The following PPP6R2 variants were observed in gnomAD, a reference collection of about 807,000 sequenced individuals.
The protein encoded by PPP6R2 is protein phosphatase 6 regulatory subunit 2.
In PPP6R2, 62 loss-of-function variants were observed where a neutral mutation model predicts 100.2. The ratio of observed to expected loss-of-function variants is 0.62; its 90% CI spans 0.50 to 0.76. PPP6R2 has a LOEUF of 0.76. PPP6R2 is among the 30% of genes least tolerant of loss of function. The pLI is 0.00. For missense variants in PPP6R2, 1,142 were observed against 1,276.3 expected (o/e 0.89, Z 1.60); for synonymous variants, 525 against 514.7 (o/e 1.02, Z -0.27).
chr22:50,392,491 G>A (rs2055833417), intron 2 of PPP6R2, among the ~76,000 whole-genome samples: 1 of 152,248 alleles, frequency 6.6e-6, no homozygotes, highest in African/African-American at 2.4e-5. Flanking sequence ...CCCATGGGCA[G>A]TGCCCGCCCA....
chr22:50,374,139 C>T (rs941513281), intron 2 of PPP6R2, among the ~76,000 whole-genome samples: 3 of 152,178 alleles, frequency 2.0e-5, no homozygotes, highest in East Asian at 1.9e-4. Flanking sequence ...CTGCCTTGGC[C>T]TCCCAAAGTG....
chr22:50,408,280 TCAAA>T (rs1361854161), intron 4 of PPP6R2, among the ~76,000 whole-genome samples: 5 of 152,162 alleles, frequency 3.3e-5, no homozygotes, highest in African/African-American at 1.2e-4. Context: ...TTTCATACCA[TCAAA>T]CATTCAGTCA....
rs921648580 is a variant in PPP6R2, at chr22:50,355,773, G to A, written c.-148+12223G>A. ...CCTTACCTCATGATCCGCCCGCCTCGGCCTCCCAAATTGCTGGGATTACAG... is the reference window on the plus strand; with the variant it reads ...CCTTACCTCATGATCCGCCCGCCTCAGCCTCCCAAATTGCTGGGATTACAG... On this transcript the variant is annotated intron_variant, in intron 1 of 23. Transcript: ENST00000612753. 2.7e-5 allele frequency among the ~76,000 whole-genome samples: 4 copies of A among 150,810 alleles called. No individual in the cohort carries two copies. The South Asian group carries it at 6.3e-4, about 24-fold the overall frequency.
chr22:50,358,319 A>G (rs919641582), intron 1 of PPP6R2, among the ~76,000 whole-genome samples: 1 of 152,190 alleles, frequency 6.6e-6, no homozygotes, highest in African/African-American at 2.4e-5. Flanking sequence ...TGAACAGAAC[A>G]TTTTAATTTG....
At chr22:50,375,723 G>A (rs965082090) in intron 2 of PPP6R2, among the ~76,000 whole-genome samples, 4 of 151,854 alleles carry the variant, frequency 2.6e-5, no homozygotes, top group Non-Finnish European at 4.4e-5. Context: ...CAGGGAAATC[G>A]GGCATGAATT....
intron 12 of PPP6R2, among the ~76,000 whole-genome samples, chr22:50,433,189 G>T (rs1175349647): frequency 1.3e-5 from 2 of 151,584 alleles, no homozygotes; most frequent in Non-Finnish European, 2.9e-5. Flanking sequence ...CTGGGCAGGG[G>T]CCGGGCATTT....
At chr22:50,425,670 T>G (rs545295192) in intron 10 of PPP6R2, among the ~76,000 whole-genome samples, 8 of 152,170 alleles carry the variant, frequency 5.3e-5, no homozygotes, top group Non-Finnish European at 1.0e-4. Context: ...CCGACACTTG[T>G]CTTCCTTCTT....
At chr22:50,420,477 G>A (rs956802471) in intron 8 of PPP6R2, among the ~76,000 whole-genome samples, 4 of 152,130 alleles carry the variant, frequency 2.6e-5, no homozygotes, top group African/African-American at 9.7e-5. Flanking sequence ...TGAAAGTTGA[G>A]TTTGTTTGAG....
At chr22:50,389,605 G>A (rs1164663983) in intron 2 of PPP6R2, among the ~76,000 whole-genome samples, 1 of 149,704 alleles carries the variant, frequency 6.7e-6, no homozygotes, top group Non-Finnish European at 1.5e-5. Context: ...CCAGGCTGGA[G>A]TGTAGTGGCG....
intron 1 of PPP6R2, among the ~76,000 whole-genome samples, chr22:50,349,536 C>T (rs927743693): frequency 6.6e-6 from 1 of 151,606 alleles, no homozygotes; most frequent in African/African-American, 2.4e-5. Flanking sequence ...CCCACAAAAG[C>T]AGAATGTGGC....
chr22:50,380,811 A>G (rs926810018), intron 2 of PPP6R2, among the ~76,000 whole-genome samples: 1 of 147,948 alleles, frequency 6.8e-6, no homozygotes, highest in African/African-American at 2.5e-5. Context: ...AACACAGTGA[A>G]ACCCCTTCAC....
chr22:50,336,352 A>G, the PPP6R2 span, among the ~76,000 whole-genome samples: 1 of 152,024 alleles, frequency 6.6e-6, no homozygotes, highest in South Asian at 2.1e-4. Context: ...GGTCTTCTCC[A>G]ACTTTTATCA....
intron 13 of PPP6R2, among the ~76,000 whole-genome samples, chr22:50,435,542 A>T (rs527690693): frequency 3.5e-4 from 53 of 152,266 alleles, no homozygotes; most frequent in Non-Finnish European, 6.9e-4. Context: ...TTTCTTAAGA[A>T]CGCAGTGGGT....
At chr22:50,362,051 G>A (rs2047898574) in intron 1 of PPP6R2, among the ~76,000 whole-genome samples, 4 of 152,172 alleles carry the variant, frequency 2.6e-5, no homozygotes. Flanking sequence ...TTGTGGTCAG[G>A]GACTGCCCTG....
intron 3 of PPP6R2, among the ~76,000 whole-genome samples, chr22:50,402,891 T>C (rs1024511339): frequency 6.6e-6 from 1 of 152,250 alleles, no homozygotes; most frequent in African/African-American, 2.4e-5. Context: ...TTGTGCCATG[T>C]GTGCACACGT....
At chr22:50,414,477 T>G in intron 4 of PPP6R2, 75 bp from the exon 5 acceptor site, 3 of 1,523,878 alleles carry the variant, frequency 2.0e-6, no homozygotes, top group Non-Finnish European at 2.7e-6. Context: ...AACTTTCCCA[T>G]GAGAGTTTTT....
intron 2 of PPP6R2, among the ~76,000 whole-genome samples, chr22:50,387,819 G>A (rs2054556841): frequency 6.6e-6 from 1 of 152,154 alleles, no homozygotes; most frequent in African/African-American, 2.4e-5. Context: ...GTCTCTTTAC[G>A]CTGAGGGTCT....
At chr22:50,335,459 T>C in the PPP6R2 span, among the ~76,000 whole-genome samples, 1 of 151,786 alleles carries the variant, frequency 6.6e-6, no homozygotes, top group African/African-American at 2.4e-5. Context: ...CCTCCCAAAG[T>C]GCTGGGATTA....
chr22:50,358,220 C>T (rs762076886), intron 1 of PPP6R2, among the ~76,000 whole-genome samples: 8 of 152,098 alleles, frequency 5.3e-5, no homozygotes, highest in Non-Finnish European at 7.4e-5. Context: ...CCTCCTGAGT[C>T]GCTCAGATTA....
Sources: allele counts gnomAD v4.1 joint callset (sites outside exome capture counted in the v4.1 genomes callset), GRCh38; gene constraint gnomAD v4.1.1; transcripts MANE v1.5; gene names NCBI Gene and HGNC (gene_info 2026-07-23, HGNC 2026-07-21).